IGSF21: variants seen among roughly 807,000 people sequenced by gnomAD.
IGSF21 encodes the protein immunoglobulin superfamily member 21.
A neutral mutation model predicts 46.8 loss-of-function variants in IGSF21; 28 were observed. That is an observed-to-expected ratio of 0.60 (90% CI 0.44 to 0.82). IGSF21 has a LOEUF of 0.82. Ranked by LOEUF, IGSF21 falls within the 40% of genes least tolerant of loss-of-function variation. The pLI, the probability that IGSF21 is intolerant of heterozygous loss-of-function variation, is 0.00. For synonymous variants in IGSF21, 284 were observed against 273.6 expected, an observed-to-expected ratio of 1.04 and a Z score of -0.38; for missense variants, 624 against 665.5, an observed-to-expected ratio of 0.94 and a Z score of 0.69.
intron 4 of IGSF21, among the ~76,000 whole-genome samples, chr1:18,353,835 A>C (rs1374318065): frequency 2.0e-5 from 3 of 152,198 alleles, no homozygotes; most frequent in Non-Finnish European, 4.4e-5. Context: ...TCAAGGTGTA[A>C]GGGTTGGAGA....
At chr1:18,355,720 T>A (rs1390811193) in intron 4 of IGSF21, among the ~76,000 whole-genome samples, 1 of 152,122 alleles carries the variant, frequency 6.6e-6, no homozygotes, top group Non-Finnish European at 1.5e-5. Flanking sequence ...CATGGTGGAC[T>A]TATAGAATAG....
intron 1 of IGSF21, among the ~76,000 whole-genome samples, chr1:18,204,833 AC>A (rs1445472742): frequency 1.3e-5 from 2 of 152,228 alleles, no homozygotes; most frequent in African/African-American, 4.8e-5. Flanking sequence ...TTTCAGGGCT[AC>A]ATCCTGTCTT....
At chr1:18,120,335 C>T (rs1184887017) in intron 1 of IGSF21, among the ~76,000 whole-genome samples, 1 of 152,170 alleles carries the variant, frequency 6.6e-6, no homozygotes, top group Non-Finnish European at 1.5e-5. Flanking sequence ...GGGGGCCTGG[C>T]AGGAAGCTGG....
intron 2 of IGSF21, among the ~76,000 whole-genome samples, chr1:18,273,314 T>C (rs2085061338): frequency 6.9e-6 from 1 of 145,544 alleles, no homozygotes; most frequent in Admixed American, 7.0e-5. Context: ...GTACTGGGAT[T>C]ACAGGCATGA....
At chr1:18,301,330 TTGTTTG>T (rs2124575335) in intron 3 of IGSF21, among the ~76,000 whole-genome samples, 1 of 151,928 alleles carries the variant, frequency 6.6e-6, no homozygotes, top group African/African-American at 2.4e-5. Flanking sequence ...TTTTGTTTGT[TTGTTTG>T]TTTGTTTGTT....
chr1:18,311,727 A>C (rs2085490396), intron 3 of IGSF21, among the ~76,000 whole-genome samples: 2 of 152,194 alleles, frequency 1.3e-5, no homozygotes, highest in African/African-American at 4.8e-5. Context: ...CACATCTTAC[A>C]TGGTGGCAGA....
At chr1:18,191,652 C>A (rs2086957625) in intron 1 of IGSF21, among the ~76,000 whole-genome samples, 1 of 152,032 alleles carries the variant, frequency 6.6e-6, no homozygotes, top group Admixed American at 6.6e-5. Flanking sequence ...GTTGGGGAAG[C>A]CGGGCCCATC....
At chr1:18,128,898 C>T (rs1366947790) in intron 1 of IGSF21, among the ~76,000 whole-genome samples, 1 of 152,120 alleles carries the variant, frequency 6.6e-6, no homozygotes, top group Non-Finnish European at 1.5e-5. Context: ...CCCAGGATAC[C>T]TCTGGACAGG....
At chr1:18,157,294 C>T (rs111581253) in intron 1 of IGSF21, among the ~76,000 whole-genome samples, 1,706 of 152,312 alleles carry the variant, frequency 0.011, 21 homozygotes, top group Admixed American at 0.018. Flanking sequence ...AACTCTGCCT[C>T]GCTGTCTGTC....
intron 6 of IGSF21, among the ~76,000 whole-genome samples, chr1:18,374,496 C>G (rs1054207868): frequency 6.6e-6 from 1 of 152,086 alleles, no homozygotes; most frequent in African/African-American, 2.4e-5. Context: ...CAGATTAGAA[C>G]TCAGCTCGCA....
intron 2 of IGSF21, among the ~76,000 whole-genome samples, chr1:18,251,302 G>GC (rs531167620): frequency 4.0e-4 from 61 of 152,314 alleles, no homozygotes; most frequent in African/African-American, 1.4e-3. Flanking sequence ...AGACTGGACT[G>GC]TAGGGGAGTG....
At chr1:18,210,166 T>A (rs1048945289) in intron 1 of IGSF21, among the ~76,000 whole-genome samples, 1 of 152,086 alleles carries the variant, frequency 6.6e-6, no homozygotes, top group African/African-American at 2.4e-5. Context: ...TAATGAAGTA[T>A]TAATATGAAG....
intron 1 of IGSF21, among the ~76,000 whole-genome samples, chr1:18,177,405 G>GGGGTTGGGGTCAGTGAGGTA (rs1490202037): frequency 6.8e-6 from 1 of 146,508 alleles, no homozygotes; most frequent in Non-Finnish European, 1.5e-5. Flanking sequence ...GTGTGTGTGT[G>GGGGTTGGGGTCAGTGAGGTA]TGTGTGTGTG....
At chr1:18,264,321 A>C (rs935128348) in intron 2 of IGSF21, among the ~76,000 whole-genome samples, 5 of 152,176 alleles carry the variant, frequency 3.3e-5, no homozygotes, top group African/African-American at 1.2e-4. Flanking sequence ...CAACCCTTAA[A>C]TTAAATGAGA....
At chr1:18,202,744 G>C (rs1415193307) in intron 1 of IGSF21, among the ~76,000 whole-genome samples, 1 of 152,214 alleles carries the variant, frequency 6.6e-6, no homozygotes, top group Non-Finnish European at 1.5e-5. Context: ...TACAGGTTGA[G>C]ATGAGACTTG....
intron 3 of IGSF21, among the ~76,000 whole-genome samples, chr1:18,294,907 G>A (rs140229690): frequency 2.6e-5 from 4 of 152,372 alleles, no homozygotes; most frequent in Admixed American, 6.5e-5. Flanking sequence ...GCGGGACTCC[G>A]CATTTACATA....
chr1:18,138,078 T>A (rs1427193734), intron 1 of IGSF21, among the ~76,000 whole-genome samples: 1 of 152,042 alleles, frequency 6.6e-6, no homozygotes, highest in Non-Finnish European at 1.5e-5. Flanking sequence ...ACATGATCCA[T>A]GCTGGGGACA....
chr1:18,119,492 G>T (rs149064850), intron 1 of IGSF21, among the ~76,000 whole-genome samples: 1 of 152,326 alleles, frequency 6.6e-6, no homozygotes, highest in African/African-American at 2.4e-5. Flanking sequence ...AGCTCTACTG[G>T]ACAGCACTGG....
chr1:18,185,382 C>A (rs1227061742), intron 1 of IGSF21, among the ~76,000 whole-genome samples: 1 of 152,158 alleles, frequency 6.6e-6, no homozygotes, highest in Non-Finnish European at 1.5e-5. Flanking sequence ...CAAGTGGTTT[C>A]CAAGTATTAA....
Sources: allele counts gnomAD v4.1 joint callset (sites outside exome capture counted in the v4.1 genomes callset), GRCh38; gene constraint gnomAD v4.1.1; transcripts MANE v1.5; gene names NCBI Gene and HGNC (gene_info 2026-07-23, HGNC 2026-07-21).